CEP112: variants seen among roughly 807,000 people sequenced by gnomAD.
The protein encoded by CEP112 is centrosomal protein 112.
CEP112 carries 127 observed loss-of-function variants against 153.0 expected under a neutral mutation model. The ratio of observed to expected loss-of-function variants is 0.83; its 90% confidence interval spans 0.72 to 0.96. CEP112 has a LOEUF of 0.96. CEP112 is among the 40% of genes least tolerant of loss of function. The probability of loss-of-function intolerance (pLI) is 0.00; values close to 1 mark genes in which losing one functional copy is unlikely to be tolerated. For missense variants in CEP112, 1,089 were observed against 1,101.2 expected, an observed-to-expected ratio of 0.99 and a Z score of 0.16; for synonymous variants, 358 against 374.4, an observed-to-expected ratio of 0.96 and a Z score of 0.51.
At chr17:65,909,536 A>T (rs1249294754) in intron 19 of CEP112, among the ~76,000 whole-genome samples, 1 of 152,254 alleles carries the variant, frequency 6.6e-6, no homozygotes, top group Non-Finnish European at 1.5e-5. Context: ...TTGGTCATTC[A>T]GCTGCTGCTG....
chr17:65,860,662 T>A (rs1039666532), intron 20 of CEP112, among the ~76,000 whole-genome samples: 14 of 152,200 alleles, frequency 9.2e-5, no homozygotes, highest in African/African-American at 3.1e-4. Flanking sequence ...TTCTAAAAAT[T>A]ACGCTGACAC....
At chr17:65,928,670 G>A (rs1476423881) in intron 18 of CEP112, among the ~76,000 whole-genome samples, 1 of 152,128 alleles carries the variant, frequency 6.6e-6, no homozygotes, top group Admixed American at 6.5e-5. Context: ...GGAGACCAGT[G>A]TAGGCAACAT....
At chr17:65,835,070 T>C (rs1265139304) in intron 21 of CEP112, among the ~76,000 whole-genome samples, 1 of 152,030 alleles carries the variant, frequency 6.6e-6, no homozygotes, top group East Asian at 1.9e-4. Flanking sequence ...GAGGCTATTA[T>C]CCTTAGAAAA....
Position 65,835,750 on chromosome 17 carries a change from C to T in CEP112, c.2394+16054G>A, listed in dbSNP as rs142500058. Among the ~76,000 whole-genome samples, 1,259 of 152,188 alleles carry T rather than the reference C, an allele frequency of 8.3e-3. 14 individuals carry two copies. The highest frequency in any genetic ancestry group is 0.02 in the South Asian group (97 of 4,828). ...TCAATCAGCAAGAAAGAAATGAATG[C>T]TAACATGTAACAAGAAAACATCTAA... On this transcript the variant is annotated intron_variant, in intron 21 of 26. Coordinates refer to ENST00000535342, the MANE Select transcript of CEP112 (RefSeq NM_001199165.4).
At chr17:65,766,968 C>A (rs1450948448) in intron 21 of CEP112, among the ~76,000 whole-genome samples, 1 of 149,946 alleles carries the variant, frequency 6.7e-6, no homozygotes, top group Non-Finnish European at 1.5e-5. Context: ...CTTCAATATC[C>A]CCCATCAACA....
intron 18 of CEP112, among the ~76,000 whole-genome samples, chr17:65,955,044 C>T (rs1468689598): frequency 1.1e-4 from 17 of 152,140 alleles, no homozygotes; most frequent in Admixed American, 2.6e-4. Flanking sequence ...AAAAGATCAT[C>T]GCCTAGGCAC....
At chr17:65,927,331 C>T (rs1008214715) in intron 19 of CEP112, among the ~76,000 whole-genome samples, 8 of 152,092 alleles carry the variant, frequency 5.3e-5, no homozygotes, top group Admixed American at 5.2e-4. Flanking sequence ...TATAAACTAC[C>T]CAGTCTCATC....
rs191685199 is a variant in CEP112, at chr17:65,660,981, T to C, written c.2698-19916A>G. 3.3e-5 allele frequency among the ~76,000 whole-genome samples: 5 copies of C among 152,312 alleles called. No homozygotes were observed. In the East Asian group the frequency reaches 9.6e-4, roughly 29 times the overall value. On this transcript the variant is annotated intron_variant, in intron 24 of 26. Transcript: ENST00000535342. ...ATCTCACCCCAACCCCACTCCCATA[T>C]AAAAACACTTCTGTGATTTCTTTCA...
At chr17:66,001,592 T>C (rs1264950353) in intron 17 of CEP112, among the ~76,000 whole-genome samples, 2 of 152,144 alleles carry the variant, frequency 1.3e-5, no homozygotes, top group Non-Finnish European at 2.9e-5. Flanking sequence ...GTTTGAAAAA[T>C]TAATCAAACA....
chr17:65,762,780 T>C (rs2052687215), intron 21 of CEP112, among the ~76,000 whole-genome samples: 1 of 152,034 alleles, frequency 6.6e-6, no homozygotes, highest in African/African-American at 2.4e-5. Flanking sequence ...TGTAAGCTTA[T>C]GTAAGTATAT....
intron 20 of CEP112, among the ~76,000 whole-genome samples, chr17:65,867,522 C>T (rs1287932210): frequency 2.0e-5 from 3 of 151,968 alleles, no homozygotes; most frequent in African/African-American, 7.3e-5. Context: ...TTACAAAGAC[C>T]AATTATCAAT....
intron 24 of CEP112, among the ~76,000 whole-genome samples, chr17:65,657,256 T>G (rs567707361): frequency 6.6e-6 from 1 of 152,236 alleles, no homozygotes; most frequent in Non-Finnish European, 1.5e-5. Flanking sequence ...TATATAATTT[T>G]GGTCTCATTT....
intron 20 of CEP112, among the ~76,000 whole-genome samples, chr17:65,868,002 G>A (rs188974059): frequency 5.3e-5 from 8 of 151,660 alleles, no homozygotes; most frequent in African/African-American, 1.2e-4. Flanking sequence ...ACATAAAATC[G>A]AAGTATATAT....
chr17:65,643,022 C>T (rs1013355661), intron 24 of CEP112, among the ~76,000 whole-genome samples: 1 of 152,232 alleles, frequency 6.6e-6, no homozygotes, highest in Non-Finnish European at 1.5e-5. Context: ...TCTTCCACCA[C>T]ACCATCCCGG....
intron 10 of CEP112, among the ~76,000 whole-genome samples, chr17:66,065,845 G>A (rs902294732): frequency 5.9e-5 from 9 of 151,972 alleles, no homozygotes; most frequent in African/African-American, 1.9e-4. Context: ...TAGCCAGGAC[G>A]GTCTCGATCT....
intron 22 of CEP112, among the ~76,000 whole-genome samples, chr17:65,744,428 A>G (rs963571425): frequency 2.0e-5 from 3 of 152,052 alleles, no homozygotes; most frequent in African/African-American, 7.2e-5. Flanking sequence ...TTGTATTTTT[A>G]GTAGAGACGA....
chr17:65,641,149 C>T, intron 24 of CEP112, 84 bp from the exon 25 acceptor site: 1 of 749,240 alleles, frequency 1.3e-6, no homozygotes, highest in Non-Finnish European at 2.3e-6. Flanking sequence ...CAGATCTGTT[C>T]ATCACAATGA....
intron 5 of CEP112, among the ~76,000 whole-genome samples, chr17:66,132,156 G>A (rs1206432506): frequency 3.0e-5 from 3 of 99,102 alleles, no homozygotes; most frequent in Non-Finnish European, 5.4e-5. Flanking sequence ...GGGCAACAGT[G>A]AGACTCCATC....
At chr17:65,640,532 T>G (rs574340054) in intron 25 of CEP112, among the ~76,000 whole-genome samples, 4 of 152,366 alleles carry the variant, frequency 2.6e-5, no homozygotes, top group Non-Finnish European at 5.9e-5. Flanking sequence ...GAACTTAGAA[T>G]ACATCTTGTT....
Sources: gnomAD v4.1 joint callset for allele counts (sites outside exome capture counted in the v4.1 genomes callset) on GRCh38, gnomAD v4.1.1 for gene constraint, MANE v1.5 for transcripts, NCBI Gene and HGNC (gene_info 2026-07-23, HGNC 2026-07-21) for gene names.